FNTB: variants seen among roughly 807,000 people sequenced by gnomAD.
FNTB encodes farnesyltransferase, CAAX box, subunit beta.
FNTB carries 27 observed loss-of-function variants against 59.4 expected under a neutral mutation model. That is an observed-to-expected ratio of 0.45 (90% CI 0.34 to 0.63). The LOEUF (loss-of-function observed/expected upper bound fraction) is 0.63, where lower values mean the gene tolerates loss of function less well. Ranked by LOEUF, FNTB falls within the 20% of genes least tolerant of loss-of-function variation. The probability of loss-of-function intolerance (pLI) is 0.02; values close to 1 mark genes in which losing one functional copy is unlikely to be tolerated. For missense variants in FNTB, 449 were observed against 559.6 expected, an observed-to-expected ratio of 0.80 and a Z score of 1.99; for synonymous variants, 230 against 220.7, an observed-to-expected ratio of 1.04 and a Z score of -0.37.
At chr14:65,038,515 C>T (rs1190119125) in intron 7 of FNTB, among the ~76,000 whole-genome samples, 2 of 151,832 alleles carry the variant, frequency 1.3e-5, no homozygotes, top group African/African-American at 4.8e-5. Flanking sequence ...GTCAGGAGTT[C>T]GAAACCAGCC....
At chr14:65,051,970 T>A (rs2062625141) in intron 9 of FNTB, among the ~76,000 whole-genome samples, 1 of 152,050 alleles carries the variant, frequency 6.6e-6, no homozygotes, top group Non-Finnish European at 1.5e-5. Flanking sequence ...AATTTTTTTG[T>A]ATTTTTAGTA....
chr14:65,061,645 C>T lies in FNTB; in HGVS notation c.*333C>T, dbSNP rs143383452. ...AGAGATGAATGGCATCTGAGTATTACGGCATCCAGAGCCACTGCTGACTCC... is the reference window on the plus strand; with the variant it reads ...AGAGATGAATGGCATCTGAGTATTATGGCATCCAGAGCCACTGCTGACTCC... On this transcript the variant is annotated 3_prime_UTR_variant, in exon 12 of 12. Coordinates refer to ENST00000246166, the MANE Select transcript of FNTB (RefSeq NM_002028.4). 6.0e-5 allele frequency: 14 copies of T among 234,272 alleles called. No homozygotes were observed. The highest frequency in any genetic ancestry group is 2.6e-4 in the East Asian group (3 of 11,536). 14.5% of individuals were successfully genotyped at this position (234,272 alleles called of 1,614,324 possible).
rs2062027565 is a variant in FNTB at position 65,028,742 on chromosome 14, C to T, written c.605+961C>T. Among the ~76,000 whole-genome samples, 1 of 152,148 alleles carries T rather than the reference C, an allele frequency of 6.6e-6. No homozygotes were observed. Among genetic ancestry groups the T allele is most frequent in the South Asian group, 2.1e-4 (1 of 4,830 alleles). ...AAAATTAGATTAGGATCTGTGTATA[C>T]CAGTGAAACCAGTAGAACGACTGAG... On this transcript the variant is annotated intron_variant, in intron 6 of 11. Transcript: ENST00000246166. This position sits in a 1 kb window ranked among gnomAD's most constrained non-coding sequence, Gnocchi z 4.4.
At chr14:65,000,804 A>G (rs1888564835) in intron 1 of FNTB, among the ~76,000 whole-genome samples, 1 of 135,330 alleles carries the variant, frequency 7.4e-6, no homozygotes, top group Non-Finnish European at 1.5e-5. Context: ...TGGCAGAGCC[A>G]GACTCCGTCT....
Position 65,061,444 on chromosome 14 carries a change from T to C in FNTB, c.*132T>C, listed in dbSNP as rs2062863989. 5 of 1,406,758 alleles carry C rather than the reference T, an allele frequency of 3.6e-6. No individual in the cohort carries two copies. In the Admixed American group the frequency reaches 1.1e-4, roughly 30 times the overall value. The allele number at this position is 1,406,758 out of a possible 1,614,324, so 87.1% of individuals were successfully genotyped here. On this transcript the variant is annotated 3_prime_UTR_variant, in exon 12 of 12. Transcript: ENST00000246166. ...TGGAGCTGTGGTTCTCTTGGTACTT[T>C]CTTGTCAAACAAAACCAATGGCTCT...
Position 65,051,720 on chromosome 14 carries a change from G to A in FNTB, c.956-1518G>A, listed in dbSNP as rs1026139380. ...TTTATTTTTAGAAATCTTTTCCCCC[G>A]TTTTTCTTTTTTGCTATTTTCTCCA... On this transcript the variant is annotated intron_variant, in intron 9 of 11. Coordinates refer to ENST00000246166, the MANE Select transcript of FNTB (RefSeq NM_002028.4). Among the ~76,000 whole-genome samples, 11 of 150,124 alleles carry A rather than the reference G, an allele frequency of 7.3e-5. No homozygotes were observed. The South Asian group carries it at 1.0e-3, about 14-fold the overall frequency.
At chr14:65,018,133 G>C (rs1165716228) in intron 4 of FNTB, among the ~76,000 whole-genome samples, 1 of 152,010 alleles carries the variant, frequency 6.6e-6, no homozygotes, top group East Asian at 1.9e-4. Context: ...CTGGGGCCCA[G>C]GAATTCAAGA....
In FNTB at chr14:65,031,649, G is replaced by T. The variant is rs921474148; in HGVS notation, c.606-961G>T. Among the ~76,000 whole-genome samples, 1 of 152,072 alleles carries T rather than the reference G, an allele frequency of 6.6e-6. No individual in the cohort carries two copies. The highest frequency in any genetic ancestry group is 2.4e-5 in the African/African-American group (1 of 41,436). ...CTTTTTTAAAAAATAGCCCGGGCGC[G>T]GTGGCTTATGCCTGTAATCCCAGCA... is the stretch of plus-strand genomic sequence containing the variant. On this transcript the variant is annotated intron_variant, in intron 6 of 11. Coordinates refer to ENST00000246166, the MANE Select transcript of FNTB (RefSeq NM_002028.4). This position sits in a 1 kb window ranked among gnomAD's most constrained non-coding sequence, Gnocchi z 4.6.
chr14:64,996,139 A>C (rs1888386230), intron 1 of FNTB, among the ~76,000 whole-genome samples: 1 of 151,034 alleles, frequency 6.6e-6, no homozygotes, highest in South Asian at 2.1e-4. Flanking sequence ...AAAAAAAAAA[A>C]AGAAAAAAGA....
Position 64,996,289 on chromosome 14 carries a change from TAAGA to T in FNTB, c.145-7947_145-7944del, listed in dbSNP as rs142047460. ...AACATGGTGAGGCCCATCTCTATTA[TAAGA>T]AAGAAAGAAAGACAGAGAGGGGAGA... is the stretch of plus-strand genomic sequence containing the variant. On this transcript the variant is annotated intron_variant, in intron 1 of 11. Transcript: ENST00000246166. 1.6e-3 allele frequency among the ~76,000 whole-genome samples: 242 copies of T among 151,964 alleles called. 1 individual carries two copies. The highest frequency in any genetic ancestry group is 5.1e-3 in the African/African-American group (213 of 41,462).
chr14:65,032,149 T>C lies in FNTB; in HGVS notation c.606-461T>C, dbSNP rs538720013. ...TTGGTGGCCTGTTTTGCAGTTTATC[T>C]GTTGCAGAAAAAGTATAGTTAATCT... On this transcript the variant is annotated intron_variant, in intron 6 of 11. Transcript: ENST00000246166. This position sits in a 1 kb window ranked among gnomAD's most constrained non-coding sequence, Gnocchi z 5.0. Among the ~76,000 whole-genome samples, 227 of 152,224 alleles carry C rather than the reference T, an allele frequency of 1.5e-3. No homozygotes were observed. The highest frequency in any genetic ancestry group is 0.014 in the Middle Eastern group (4 of 294).
chr14:64,998,855 G>A (rs1232593439), intron 1 of FNTB, among the ~76,000 whole-genome samples: 1 of 152,070 alleles, frequency 6.6e-6, no homozygotes, highest in Non-Finnish European at 1.5e-5. Context: ...TTGAGTAAGA[G>A]GAATGGTTTC....
chr14:64,993,607 G>A (rs1038711027), intron 1 of FNTB, among the ~76,000 whole-genome samples: 3 of 152,156 alleles, frequency 2.0e-5, no homozygotes, highest in African/African-American at 7.2e-5. Context: ...CTCTTCTACT[G>A]CAGCTTCAAT....
At chr14:65,016,596 C>G (rs1349223832) in intron 4 of FNTB, 3 of 152,284 alleles carry the variant, frequency 2.0e-5, no homozygotes, top group African/African-American at 7.2e-5. Flanking sequence ...GGGCCCCTCT[C>G]TGGTCACAGA....
intron 1 of FNTB, among the ~76,000 whole-genome samples, chr14:65,002,350 T>A (rs2061533116): frequency 6.6e-6 from 1 of 152,234 alleles, no homozygotes; most frequent in Non-Finnish European, 1.5e-5. Flanking sequence ...GGCTCACGCC[T>A]GTAATCCCAG....
In FNTB at chr14:65,001,998, C is replaced by A. The variant is rs866084442; in HGVS notation, c.145-2251C>A. On this transcript the variant is annotated intron_variant, in intron 1 of 11. Transcript: ENST00000246166. The surrounding 1 kb of genome is among the most constrained non-coding windows in gnomAD (Gnocchi z 5.5). The stretch of plus-strand genomic sequence containing the variant: ...AAATTAATTTTAGATTGGCTGCCAT[C>A]GTAGATGATTCATATCACTGCTCCC... Among the ~76,000 whole-genome samples, 1 of 152,194 alleles carries A rather than the reference C, an allele frequency of 6.6e-6. No individual in the cohort carries two copies. The highest frequency in any genetic ancestry group is 1.5e-5 in the Non-Finnish European group (1 of 68,042).
At chr14:65,055,020 A>G (rs114911537) in intron 11 of FNTB, among the ~76,000 whole-genome samples, 2,692 of 152,342 alleles carry the variant, frequency 0.018, 46 homozygotes, top group African/African-American at 0.041. Flanking sequence ...GAGTCCCAGC[A>G]GGCTCGTGAT....
At chr14:65,005,422 A>AG (rs2061564019) in intron 2 of FNTB, among the ~76,000 whole-genome samples, 2 of 151,890 alleles carry the variant, frequency 1.3e-5, no homozygotes, top group African/African-American at 4.8e-5. Flanking sequence ...ATTTTATCTT[A>AG]ATGATGGAAC....
chr14:65,019,349 T>C (rs2061843941), intron 4 of FNTB, among the ~76,000 whole-genome samples: 1 of 151,716 alleles, frequency 6.6e-6, no homozygotes, highest in Admixed American at 6.6e-5. Context: ...TAGCCAGATG[T>C]GGTGGCTGGC....
Sources: gnomAD v4.1 joint callset for allele counts (sites outside exome capture counted in the v4.1 genomes callset) on GRCh38, gnomAD v4.1.1 for gene constraint, Gnocchi (gnomAD v3.1) non-coding constraint, MANE v1.5 for transcripts, NCBI Gene and HGNC (gene_info 2026-07-23, HGNC 2026-07-21) for gene names.